The following SRP72 variants were observed in gnomAD, a reference collection of about 807,000 sequenced individuals.
The protein encoded by SRP72 is signal recognition particle subunit SRP72.
A neutral mutation model predicts 96.3 loss-of-function variants in SRP72; 49 were observed. The ratio of observed to expected loss-of-function variants is 0.51; its 90% CI spans 0.40 to 0.65. The LOEUF is 0.65. Among genes scored for constraint, SRP72 ranks in the 30% least tolerant of loss-of-function variants. The pLI is 0.00. For missense variants in SRP72, 736 were observed against 793.3 expected (o/e 0.93, Z 0.87); for synonymous variants, 267 against 275.2 (o/e 0.97, Z 0.30).
intron 8 of SRP72, among the ~76,000 whole-genome samples, chr4:56,479,949 A>G (rs1720414907): frequency 1.3e-5 from 2 of 152,208 alleles, no homozygotes; most frequent in South Asian, 4.1e-4. Context: ...CTGTAGGAGT[A>G]TAATCTGAGA....
chr4:56,478,158 T>A lies in SRP72; in HGVS notation c.643-221T>A, dbSNP rs201873049. Among the ~76,000 whole-genome samples the A allele has an allele frequency of 2.9e-3, 447 of 151,540 alleles. 2 individuals are homozygous for A. The highest frequency in any genetic ancestry group is 6.2e-3 in the Admixed American group (95 of 15,236). On this transcript the variant is annotated intron_variant, in intron 6 of 18. Coordinates refer to ENST00000642900, the MANE Select transcript of SRP72 (RefSeq NM_006947.4). ...TCTAGGATCTTTTTGCCTTTTCTTT[T>A]TTTTTTTTTTTTCTTTAGATACTTC...
At chr4:56,493,437 T>A (rs1011649572) in intron 16 of SRP72, among the ~76,000 whole-genome samples, 1 of 152,246 alleles carries the variant, frequency 6.6e-6, no homozygotes, top group African/African-American at 2.4e-5. Flanking sequence ...ATGCTCTTTA[T>A]TTTATCTTAT....
rs1719790384 is a variant in SRP72 at position 56,467,734 on chromosome 4, C to T, written c.99C>T (p.Thr33=). 2 of 1,537,456 alleles carry T rather than the reference C, an allele frequency of 1.3e-6. No homozygotes were observed. Among genetic ancestry groups the T allele is most frequent in the South Asian group, 2.4e-5 (2 of 82,032 alleles). ...QNGDFTRALK[T]VNKILQINKD... is the part of the protein sequence containing the mutation. ...GCGACTTCACGCGCGCTCTCAAGAC[C>T]GTCAATAAGAGTAAGTGTCGGGGTG... is the stretch of plus-strand genomic sequence containing the variant. Residue 33 remains threonine, a synonymous_variant, in exon 1 of 19, where the codon ACC becomes ACT. Transcript: ENST00000642900.
intron 15 of SRP72, among the ~76,000 whole-genome samples, chr4:56,491,170 C>T (rs1193065682): frequency 6.6e-6 from 1 of 152,134 alleles, no homozygotes; most frequent in African/African-American, 2.4e-5. Context: ...ATTAAGCCAC[C>T]ACCTTGCTCC....
chr4:56,476,914 ACTTGATTATACATTTATATAATGT>A (rs1418741919), intron 6 of SRP72: 13 of 526,096 alleles, frequency 2.5e-5, no homozygotes, highest in Non-Finnish European at 4.0e-5. Context: ...AACCTTAAGC[ACTTGATTATACATTTATATAATGT>A]AAATTTATTC....
At chr4:56,486,130 A>G (rs1720701431) in intron 10 of SRP72, 195 bp from the exon 11 acceptor site, 4 of 459,652 alleles carry the variant, frequency 8.7e-6, no homozygotes, top group Non-Finnish European at 1.6e-5. Context: ...CATTGCACTT[A>G]CTTTTAGAGC....
At chr4:56,482,340 C>T (rs554829978) in intron 8 of SRP72, among the ~76,000 whole-genome samples, 7 of 150,858 alleles carry the variant, frequency 4.6e-5, no homozygotes, top group African/African-American at 1.5e-4. Flanking sequence ...CCCAGCTACT[C>T]GGGAGACTGA....
intron 11 of SRP72, among the ~76,000 whole-genome samples, chr4:56,487,631 T>TAA (rs1455095434): frequency 6.6e-6 from 1 of 152,190 alleles, no homozygotes; most frequent in Non-Finnish European, 1.5e-5. Flanking sequence ...ACCTTCAAGT[T>TAA]ACAGCCCAAA....
chr4:56,501,129 C>G (rs927297729), intron 18 of SRP72, among the ~76,000 whole-genome samples: 1 of 152,054 alleles, frequency 6.6e-6, no homozygotes, highest in Non-Finnish European at 1.5e-5. Context: ...TTTTTCTGGC[C>G]GGGCGCAGTG....
rs1456144361 is a variant in SRP72 at position 56,495,368 on chromosome 4, TGAAAAAGAA to T, written c.1662_1670del (p.Lys557_Lys559del). On this transcript the variant is annotated inframe_deletion, in exon 17 of 19. Transcript: ENST00000642900. ...TTTTCTCTTTGTAGACAGGGAGATT[TGAAAAAGAA>T]GAAAAAGAAAAAGAAGGGTAAGGCA... 1.3e-6 allele frequency: 2 copies of T among 1,497,858 alleles called. No individual in the cohort carries two copies. The allele number at this position is 1,497,858 out of a possible 1,614,324, so 92.8% of individuals were successfully genotyped here. A position where few individuals can be genotyped will look rare whatever the true frequency, so the allele number is the denominator to read the frequency against.
intron 11 of SRP72, 93 bp downstream of exon 11, chr4:56,486,490 G>A: frequency 5.0e-6 from 5 of 1,003,994 alleles, no homozygotes; most frequent in Non-Finnish European, 5.7e-6. Context: ...AAGTTTTTTT[G>A]TGTAATAGTA....
chr4:56,482,552 A>G (rs1720543981), intron 8 of SRP72, among the ~76,000 whole-genome samples: 1 of 152,206 alleles, frequency 6.6e-6, no homozygotes, highest in African/African-American at 2.4e-5. Context: ...GGGAAACCAA[A>G]AAATCTGTGA....
intron 12 of SRP72, chr4:56,489,161 G>A (rs1402186349): frequency 2.6e-6 from 1 of 389,968 alleles, no homozygotes; most frequent in Admixed American, 4.1e-5. Context: ...CTGCTTTAAA[G>A]GAAAGTTTTA....
intron 15 of SRP72, among the ~76,000 whole-genome samples, chr4:56,490,986 T>G (rs1201130531): frequency 6.6e-6 from 1 of 152,216 alleles, no homozygotes; most frequent in East Asian, 1.9e-4. Context: ...TTCAACTACT[T>G]AGGTCACTTG....
At chr4:56,475,892 A>C (rs1318632778) in intron 5 of SRP72, 1 of 152,220 alleles carries the variant, frequency 6.6e-6, no homozygotes, top group Non-Finnish European at 1.5e-5. Flanking sequence ...TATTCATAAG[A>C]ACAGAAATTT....
chr4:56,481,615 A>C (rs1720487924), intron 8 of SRP72, among the ~76,000 whole-genome samples: 1 of 152,112 alleles, frequency 6.6e-6, no homozygotes, highest in African/African-American at 2.4e-5. Flanking sequence ...TGGGTTCAAA[A>C]GTGGTACAGA....
At chr4:56,470,908 T>A (rs1381616385) in intron 2 of SRP72, among the ~76,000 whole-genome samples, 2 of 151,702 alleles carry the variant, frequency 1.3e-5, no homozygotes, top group East Asian at 3.9e-4. Context: ...TTCACGCGAT[T>A]CTCCTGCCTC....
At chr4:56,473,964 C>A in intron 3 of SRP72, 90 bp from the exon 4 acceptor site, 1 of 1,317,340 alleles carries the variant, frequency 7.6e-7, no homozygotes, top group Non-Finnish European at 1.0e-6. Flanking sequence ...ACTAGGATTC[C>A]TACTTAGTGG....
rs539630361 is a variant in SRP72 at position 56,469,826 on chromosome 4, T to A, written c.230+53T>A. 6 of 1,462,982 alleles carry A rather than the reference T, an allele frequency of 4.1e-6. No homozygotes were observed. The Admixed American group carries it at 8.3e-5, about 20-fold the overall frequency. 90.6% of individuals were successfully genotyped at this position (1,462,982 alleles called of 1,614,324 possible). On this transcript the variant is annotated intron_variant, in intron 2 of 18. Transcript: ENST00000642900. ...AGTTATTAGAAACACTTACTATAGCTATAATCTCTTCCATGTTTTTTCCCA... is the reference window on the plus strand; with the variant it reads ...AGTTATTAGAAACACTTACTATAGCAATAATCTCTTCCATGTTTTTTCCCA...
Sources: allele counts gnomAD v4.1 joint callset (sites outside exome capture counted in the v4.1 genomes callset), GRCh38; gene constraint gnomAD v4.1.1; transcripts MANE v1.5; gene names NCBI Gene and HGNC (gene_info 2026-07-23, HGNC 2026-07-21).